ITPRID1: variants seen among roughly 807,000 people sequenced by gnomAD.
The protein encoded by ITPRID1 is ITPR interacting domain containing 1.
In ITPRID1, 96 loss-of-function variants were observed where a neutral mutation model predicts 95.4. The observed-to-expected ratio is 1.01, with a 90% confidence interval of 0.85 to 1.19. The LOEUF is 1.19. Ranked by LOEUF, ITPRID1 falls within the 50% of genes most tolerant of loss-of-function variation. The pLI, the probability that ITPRID1 is intolerant of heterozygous loss-of-function variation, is 0.00. For synonymous variants in ITPRID1, 510 were observed against 453.6 expected (o/e 1.12, Z -1.58); for missense variants, 1,339 against 1,252.9 (o/e 1.07, Z -1.04).
intron 10 of ITPRID1, among the ~76,000 whole-genome samples, chr7:31,606,523 TA>T (rs1786633814): frequency 6.6e-6 from 1 of 152,170 alleles, no homozygotes; most frequent in Non-Finnish European, 1.5e-5. Flanking sequence ...GATGTTTAAA[TA>T]AAACAAATGC....
At chr7:31,602,979 T>G (rs1048017586) in intron 10 of ITPRID1, among the ~76,000 whole-genome samples, 8 of 150,286 alleles carry the variant, frequency 5.3e-5, no homozygotes, top group Admixed American at 3.3e-4. Context: ...CTTCCATATA[T>G]CACCCCCTCA....
chr7:31,539,004 G>T (rs922183996), intron 1 of ITPRID1, among the ~76,000 whole-genome samples: 8 of 152,024 alleles, frequency 5.3e-5, no homozygotes, highest in Non-Finnish European at 8.8e-5. Context: ...ACCATTATTT[G>T]TGTCATGACA....
At chr7:31,565,987 C>A (rs1261211192) in intron 5 of ITPRID1, among the ~76,000 whole-genome samples, 1 of 152,150 alleles carries the variant, frequency 6.6e-6, no homozygotes, top group South Asian at 2.1e-4. Flanking sequence ...TTTGCACATT[C>A]CCTAGCAAAC....
chr7:31,651,752 T>C (rs1790973007), intron 13 of ITPRID1, among the ~76,000 whole-genome samples, 187 bp from the exon 14 acceptor site: 1 of 147,734 alleles, frequency 6.8e-6, no homozygotes, highest in Non-Finnish European at 1.5e-5. Flanking sequence ...AACTATATTA[T>C]ACTGCAATAA....
At chr7:31,583,008 GTTAT>G in intron 9 of ITPRID1, 122 bp from the exon 10 acceptor site, 1 of 600,972 alleles carries the variant, frequency 1.7e-6, no homozygotes, top group East Asian at 2.8e-5. Context: ...CAGATTGCAA[GTTAT>G]TTGAGTTCAG....
At position 31,573,846 on chromosome 7, in the gene ITPRID1, A is replaced by T. The variant is rs148214420; in HGVS notation, c.396-694A>T. ...AATTAAATAATTTAGATATTTATAT[A>T]TACAAATCAAATTAAAAATATATAT... On this transcript the variant is annotated intron_variant, in intron 7 of 14. Coordinates refer to ENST00000615280, the MANE Select transcript of ITPRID1 (RefSeq NM_001257967.3). Among the ~76,000 whole-genome samples the T allele has an allele frequency of 3.3e-5, 5 of 150,480 alleles. No individual in the cohort carries two copies. The East Asian group carries it at 9.7e-4, about 29-fold the overall frequency.
At chr7:31,541,315 C>T (rs1414140905) in intron 1 of ITPRID1, among the ~76,000 whole-genome samples, 1 of 152,120 alleles carries the variant, frequency 6.6e-6, no homozygotes, top group Non-Finnish European at 1.5e-5. Context: ...CTTCAATAGT[C>T]CTGAATGTTT....
rs752929889 is a variant in ITPRID1 at position 31,642,730 on chromosome 7, A to G, written c.1360A>G (p.Lys454Glu). 6.2e-7 allele frequency: 1 copy of G among 1,614,004 alleles called. No homozygotes were observed. Among genetic ancestry groups the G allele is most frequent in the South Asian group, 1.1e-5 (1 of 91,076 alleles). Residue 454 changes from lysine to glutamate, a missense_variant, in exon 12 of 15, where the codon AAG becomes GAG. Lys to Glu is a moderately conservative substitution (Grantham distance 56). Transcript: ENST00000615280. ...GAGTCCTGCTGAGAATGGAGGTAGA[A>G]AGCCAAGAGATCAGAGCCACAGCTT... ...SQSPAENGGR[K>E]PRDQSHSLVS...
chr7:31,576,427 C>T (rs1184813052), intron 8 of ITPRID1, among the ~76,000 whole-genome samples: 1 of 152,148 alleles, frequency 6.6e-6, no homozygotes, highest in African/African-American at 2.4e-5. Context: ...TAGGTTTTGT[C>T]TTAGTCTAAA....
At chr7:31,644,618 A>G (rs1790307705) in intron 12 of ITPRID1, among the ~76,000 whole-genome samples, 1 of 152,318 alleles carries the variant, frequency 6.6e-6, no homozygotes, top group East Asian at 1.9e-4. Context: ...GGTGGACCCT[A>G]TAGTTACTGA....
intron 5 of ITPRID1, among the ~76,000 whole-genome samples, chr7:31,561,139 G>A (rs1366608593): frequency 1.3e-5 from 2 of 152,198 alleles, no homozygotes; most frequent in Non-Finnish European, 2.9e-5. Flanking sequence ...AAAGATGGGA[G>A]AAGATTGTAC....
At chr7:31,585,342 G>A (rs962465922) in intron 10 of ITPRID1, among the ~76,000 whole-genome samples, 1 of 152,086 alleles carries the variant, frequency 6.6e-6, no homozygotes, top group Non-Finnish European at 1.5e-5. Context: ...TTATGTTTAA[G>A]CATTTCCTAA....
chr7:31,622,456 C>T (rs1788007493), intron 10 of ITPRID1, among the ~76,000 whole-genome samples: 1 of 151,074 alleles, frequency 6.6e-6, no homozygotes, highest in Non-Finnish European at 1.5e-5. Context: ...AAGAAACTCA[C>T]TCAAAACTGC....
chr7:31,624,000 A>G (rs1398497328), intron 10 of ITPRID1, among the ~76,000 whole-genome samples: 23 of 149,688 alleles, frequency 1.5e-4, no homozygotes, highest in East Asian at 1.4e-3. Context: ...GAGCCAAATC[A>G]TGAGTGAACT....
intron 9 of ITPRID1, among the ~76,000 whole-genome samples, chr7:31,579,183 T>C (rs1018360162): frequency 3.9e-5 from 6 of 152,188 alleles, no homozygotes; most frequent in Non-Finnish European, 7.4e-5. Flanking sequence ...GAGTTGGGTT[T>C]TTTTTTCTTT....
chr7:31,642,588 C>A, intron 11 of ITPRID1, 94 bp from the exon 12 acceptor site: 1 of 1,134,538 alleles, frequency 8.8e-7, no homozygotes, highest in Non-Finnish European at 1.2e-6. Flanking sequence ...TATCTCCTGA[C>A]TCCTAAGGCA....
chr7:31,554,710 C>A, intron 4 of ITPRID1, 148 bp from the exon 5 acceptor site: 2 of 943,792 alleles, frequency 2.1e-6, no homozygotes, highest in Non-Finnish European at 1.6e-6. Context: ...AAATACTACT[C>A]TAGTCCCTGA....
At chr7:31,577,162 G>A (rs1383235455) in intron 8 of ITPRID1, among the ~76,000 whole-genome samples, 1 of 152,134 alleles carries the variant, frequency 6.6e-6, no homozygotes, top group Non-Finnish European at 1.5e-5. Context: ...CCTAAGTCTT[G>A]CTCGTTTATA....
At chr7:31,518,376 A>C (rs535502417) in intron 1 of ITPRID1, 1 of 152,322 alleles carries the variant, frequency 6.6e-6, no homozygotes, top group South Asian at 2.1e-4. Flanking sequence ...TGTTTGTGAT[A>C]ATTTGTTATA....
Sources: allele counts gnomAD v4.1 joint callset (sites outside exome capture counted in the v4.1 genomes callset), GRCh38; gene constraint gnomAD v4.1.1; transcripts MANE v1.5; gene names NCBI Gene and HGNC (gene_info 2026-07-23, HGNC 2026-07-21).